FBXL13: variants seen among roughly 807,000 people sequenced by gnomAD.
The protein encoded by FBXL13 is F-box and leucine rich repeat protein 13.
A neutral mutation model predicts 83.6 loss-of-function variants in FBXL13; 67 were observed. That is an observed-to-expected ratio of 0.80 (90% CI 0.66 to 0.98). The LOEUF (loss-of-function observed/expected upper bound fraction) is 0.98, where lower values mean the gene tolerates loss of function less well. Ranked by LOEUF, FBXL13 falls within the 50% of genes least tolerant of loss-of-function variation. The pLI is 0.00. For missense variants in FBXL13, 822 were observed against 866.5 expected (o/e 0.95, Z 0.64); for synonymous variants, 272 against 299.5 (o/e 0.91, Z 0.95).
At chr7:102,815,805 T>TGA (rs1417749705) in intron 19 of FBXL13, among the ~76,000 whole-genome samples, 1 of 152,004 alleles carries the variant, frequency 6.6e-6, no homozygotes, top group Non-Finnish European at 1.5e-5. Flanking sequence ...GTGTAAATAT[T>TGA]GAGTCCTATG....
At chr7:102,945,815 T>C (rs952185213) in intron 8 of FBXL13, among the ~76,000 whole-genome samples, 2 of 152,186 alleles carry the variant, frequency 1.3e-5, no homozygotes, top group African/African-American at 2.4e-5. Flanking sequence ...GTTTAGCAAA[T>C]AACCACCTTA....
intron 6 of FBXL13, among the ~76,000 whole-genome samples, chr7:102,975,684 C>T (rs1298158565): frequency 1.3e-5 from 2 of 152,210 alleles, no homozygotes; most frequent in Non-Finnish European, 2.9e-5. Context: ...TAGACCTAGC[C>T]AGTCCAGAAG....
intron 17 of FBXL13, among the ~76,000 whole-genome samples, chr7:102,845,435 C>T (rs1803764997): frequency 6.6e-6 from 1 of 152,116 alleles, no homozygotes; most frequent in South Asian, 2.1e-4. Context: ...TATATATTTC[C>T]TATAAATCAC....
At chr7:102,934,674 G>T (rs753292751) in intron 8 of FBXL13, 1 of 1,585,150 alleles carries the variant, frequency 6.3e-7, no homozygotes, top group Non-Finnish European at 8.5e-7. Context: ...ACACTGGACT[G>T]CAAAAGGAAA....
intron 2 of FBXL13, among the ~76,000 whole-genome samples, chr7:103,039,623 A>ATC (rs1267097113): frequency 2.0e-5 from 3 of 152,204 alleles, no homozygotes; most frequent in African/African-American, 7.2e-5. Context: ...CTAACAGGGG[A>ATC]TCTCTCGGCG....
At chr7:103,068,273 G>C (rs1193171287) in intron 1 of FBXL13, among the ~76,000 whole-genome samples, 1 of 152,192 alleles carries the variant, frequency 6.6e-6, no homozygotes, top group Non-Finnish European at 1.5e-5. Context: ...TGAAGACAGT[G>C]AGTGCTAAAT....
intron 7 of FBXL13, among the ~76,000 whole-genome samples, chr7:102,964,404 ATTTT>A (rs1554482400): frequency 7.0e-6 from 1 of 143,294 alleles, no homozygotes. Context: ...ATATATATAT[ATTTT>A]TTTTTTTTTT....
intron 8 of FBXL13, among the ~76,000 whole-genome samples, chr7:102,955,061 C>T (rs563921801): frequency 1.3e-5 from 2 of 152,154 alleles, no homozygotes; most frequent in Admixed American, 1.3e-4. Context: ...AACTACAGAA[C>T]TCTCCATCCC....
rs562823769 is a variant in FBXL13, at chr7:102,991,175, A to C, written c.496-23058T>G. Among the ~76,000 whole-genome samples the C allele has an allele frequency of 2.0e-4, 30 of 152,336 alleles. No individual in the cohort carries two copies. In the South Asian group the frequency reaches 5.6e-3, roughly 28 times the overall value. ...GTGAAATTACATGCTAAAAAGAAAA[A>C]AATATGCAGTAGGGGGTAAAAGAGA... is the stretch of plus-strand genomic sequence containing the variant. On this transcript the variant is annotated intron_variant, in intron 6 of 19. Coordinates refer to ENST00000313221, the Ensembl canonical transcript of FBXL13.
chr7:103,061,668 G>C (rs1043285868), intron 1 of FBXL13, among the ~76,000 whole-genome samples: 1 of 151,786 alleles, frequency 6.6e-6, no homozygotes, highest in Non-Finnish European at 1.5e-5. Flanking sequence ...GGCCCAGCAC[G>C]GTGGCTCACG....
chr7:102,902,730 C>A (rs1813123498), intron 11 of FBXL13, among the ~76,000 whole-genome samples: 2 of 152,034 alleles, frequency 1.3e-5, no homozygotes, highest in Admixed American at 1.3e-4. Flanking sequence ...GAAAATGAGT[C>A]CACTGTCGGT....
At chr7:102,893,710 G>C (rs1483941460) in intron 11 of FBXL13, among the ~76,000 whole-genome samples, 3 of 148,132 alleles carry the variant, frequency 2.0e-5, no homozygotes, top group African/African-American at 7.5e-5. Flanking sequence ...GGAGCTTGCA[G>C]TGAGCCGAGA....
intron 12 of FBXL13, 64 bp downstream of exon 13, chr7:102,884,150 A>T: frequency 8.9e-7 from 1 of 1,120,922 alleles, no homozygotes; most frequent in Non-Finnish European, 1.3e-6. Context: ...TCAGTAATTC[A>T]AGCCATTAGA....
intron 15 of FBXL13, among the ~76,000 whole-genome samples, chr7:102,877,802 G>C (rs771866497): frequency 1.3e-5 from 2 of 152,146 alleles, no homozygotes; most frequent in Non-Finnish European, 2.9e-5. Context: ...CTTTCTTTCT[G>C]TAATTTAGTT....
At chr7:102,943,794 G>A (rs976700618) in intron 8 of FBXL13, among the ~76,000 whole-genome samples, 4 of 152,170 alleles carry the variant, frequency 2.6e-5, no homozygotes, top group Non-Finnish European at 5.9e-5. Flanking sequence ...ACTTTACCTG[G>A]TAAATGGAGT....
At position 103,055,225 on chromosome 7, in the gene FBXL13, G is replaced by T. The variant is rs1478116355; in HGVS notation, c.-1+419C>A. On this transcript the variant is annotated intron_variant, in intron 2 of 19. Coordinates refer to ENST00000313221, the Ensembl canonical transcript of FBXL13. ...CAGTCAAAATTAATTTCATTAATTA[G>T]TTAGTTCCGTAATTAAATCAGTGAT... 6 of 970,522 alleles carry T rather than the reference G, an allele frequency of 6.2e-6. No homozygotes were observed. In the East Asian group the frequency reaches 2.6e-4, roughly 42 times the overall value. The allele number at this position is 970,522 out of a possible 1,614,324, so 60.1% of individuals were successfully genotyped here. A position where few individuals can be genotyped will look rare whatever the true frequency, so the allele number is the denominator to read the frequency against.
intron 10 of FBXL13, among the ~76,000 whole-genome samples, chr7:102,918,813 T>C (rs1191912490): frequency 2.0e-5 from 3 of 152,190 alleles, no homozygotes; most frequent in Non-Finnish European, 2.9e-5. Flanking sequence ...ACTTTGTAAG[T>C]TCAGATTTTC....
chr7:102,944,514 A>G, intron 8 of FBXL13: 1 of 1,614,102 alleles, frequency 6.2e-7, no homozygotes, highest in Middle Eastern at 1.6e-4. Flanking sequence ...ATCCTGAGTC[A>G]TTTGACCAAG....
At chr7:103,070,217 T>C (rs1457940452) in intron 1 of FBXL13, among the ~76,000 whole-genome samples, 1 of 152,012 alleles carries the variant, frequency 6.6e-6, no homozygotes, top group East Asian at 1.9e-4. Flanking sequence ...ATGATTTAAT[T>C]TTATGTATTT....
Sources: allele counts gnomAD v4.1 joint callset (sites outside exome capture counted in the v4.1 genomes callset), GRCh38; gene constraint gnomAD v4.1.1; transcripts MANE v1.5; gene names NCBI Gene and HGNC (gene_info 2026-07-23, HGNC 2026-07-21).